The following PJA2 variants were observed in gnomAD, a reference collection of about 807,000 sequenced individuals.
PJA2 encodes the protein E3 ubiquitin-protein ligase Praja-2.
Under a neutral mutation model 69.3 loss-of-function variants are expected in PJA2, and 25 were observed. The ratio of observed to expected loss-of-function variants is 0.36; its 90% CI spans 0.26 to 0.50. The LOEUF is 0.50. Among genes scored for constraint, PJA2 ranks in the 20% least tolerant of loss-of-function variants. The pLI, the probability that PJA2 is intolerant of heterozygous loss-of-function variation, is 0.96. For synonymous variants in PJA2, 308 were observed against 277.8 expected (o/e 1.11, Z -1.08); for missense variants, 809 against 830.2 (o/e 0.97, Z 0.31).
At chr5:109,404,305 G>A (rs1192358345) in intron 1 of PJA2, among the ~76,000 whole-genome samples, 1 of 151,798 alleles carries the variant, frequency 6.6e-6, no homozygotes, top group Non-Finnish European at 1.5e-5. Context: ...TGGATTACCT[G>A]AGGTAAGGAG....
chr5:109,372,619 T>C (rs1762691318), intron 4 of PJA2, among the ~76,000 whole-genome samples: 1 of 151,992 alleles, frequency 6.6e-6, no homozygotes, highest in Non-Finnish European at 1.5e-5. Context: ...CATTAAAGAA[T>C]ATAGGGCCGG....
chr5:109,407,363 A>G (rs1424772915), intron 1 of PJA2, among the ~76,000 whole-genome samples: 1 of 152,176 alleles, frequency 6.6e-6, no homozygotes, highest in Non-Finnish European at 1.5e-5. Context: ...AAAAACAACA[A>G]CATAAGCATC....
At chr5:109,354,238 T>A (rs62643553) in intron 7 of PJA2, among the ~76,000 whole-genome samples, 6,009 of 43,344 alleles carry the variant, frequency 0.14, 271 homozygotes, top group Non-Finnish European at 0.22. Context: ...GTCTAGAGAT[T>A]TCTATAGATT....
intron 7 of PJA2, among the ~76,000 whole-genome samples, chr5:109,355,191 T>C (rs765520645): frequency 2.0e-5 from 3 of 152,196 alleles, no homozygotes; most frequent in Non-Finnish European, 2.9e-5. Context: ...TATATTATAA[T>C]GCTCCTAAAA....
intron 6 of PJA2, among the ~76,000 whole-genome samples, chr5:109,362,635 A>G (rs1762521859): frequency 6.6e-6 from 1 of 152,236 alleles, no homozygotes; most frequent in South Asian, 2.1e-4. Context: ...CAAGAGAGCT[A>G]AAGGTCAAAG....
intron 9 of PJA2, among the ~76,000 whole-genome samples, chr5:109,339,786 TTCA>T (rs1231996280): frequency 6.6e-6 from 1 of 152,250 alleles, no homozygotes; most frequent in Non-Finnish European, 1.5e-5. Flanking sequence ...CTATATTAAA[TTCA>T]TCATGGATTA....
intron 4 of PJA2, among the ~76,000 whole-genome samples, chr5:109,369,328 A>G (rs759284371): frequency 6.6e-6 from 1 of 152,234 alleles, no homozygotes; most frequent in Non-Finnish European, 1.5e-5. Flanking sequence ...AAATGCATGC[A>G]GTAGAGTGTG....
chr5:109,409,583 G>A (rs1375144460), intron 1 of PJA2, among the ~76,000 whole-genome samples: 1 of 152,040 alleles, frequency 6.6e-6, no homozygotes. Flanking sequence ...CATCTGTCGG[G>A]GGGCGGCGGG....
chr5:109,346,657 C>T (rs192679188), intron 7 of PJA2, among the ~76,000 whole-genome samples: 1 of 152,270 alleles, frequency 6.6e-6, no homozygotes, highest in East Asian at 1.9e-4. Context: ...AAGCCAGTCA[C>T]AGAAAGATAA....
chr5:109,394,851 T>A (rs571007505), intron 1 of PJA2, among the ~76,000 whole-genome samples: 1 of 152,178 alleles, frequency 6.6e-6, no homozygotes, highest in Non-Finnish European at 1.5e-5. Flanking sequence ...GTATGGCAGA[T>A]AAAAATTTTT....
chr5:109,369,412 G>A (rs985644703), intron 4 of PJA2, among the ~76,000 whole-genome samples: 7 of 152,036 alleles, frequency 4.6e-5, no homozygotes, highest in African/African-American at 1.2e-4. Context: ...CTACATCCAT[G>A]GTACCTAGAT....
intron 4 of PJA2, among the ~76,000 whole-genome samples, chr5:109,369,809 G>A (rs1180407559): frequency 6.6e-6 from 1 of 152,148 alleles, no homozygotes; most frequent in Non-Finnish European, 1.5e-5. Flanking sequence ...GAGGTGGGCA[G>A]ATCACCTGAG....
chr5:109,379,379 T>C, intron 3 of PJA2, 125 bp from the exon 4 acceptor site: 5 of 697,450 alleles, frequency 7.2e-6, no homozygotes, highest in Non-Finnish European at 1.2e-5. Context: ...TAAATTTATT[T>C]ACCAAGCACT....
At chr5:109,360,157 C>T (rs1166418998) in intron 6 of PJA2, among the ~76,000 whole-genome samples, 2 of 152,140 alleles carry the variant, frequency 1.3e-5, no homozygotes, top group African/African-American at 4.8e-5. Flanking sequence ...TATATCCACA[C>T]AGAATTAACT....
At chr5:109,405,440 A>C (rs959371287) in intron 1 of PJA2, among the ~76,000 whole-genome samples, 18 of 152,220 alleles carry the variant, frequency 1.2e-4, no homozygotes, top group African/African-American at 4.3e-4. Flanking sequence ...GCTTTACGGT[A>C]AAGTTAGAAT....
At chr5:109,350,514 C>A (rs1310357681) in intron 7 of PJA2, among the ~76,000 whole-genome samples, 1 of 152,120 alleles carries the variant, frequency 6.6e-6, no homozygotes, top group Non-Finnish European at 1.5e-5. Context: ...ACCACTGAAT[C>A]CAGATTTGTT....
Position 109,362,880 on chromosome 5 carries a change from C to T in PJA2, c.1612G>A (p.Asp538Asn). The T allele has an allele frequency of 1.2e-6, 2 of 1,613,458 alleles. No homozygotes were observed. The highest frequency in any genetic ancestry group is 1.7e-6 in the Non-Finnish European group (2 of 1,179,576). ...FMLDGNNNLE[D>N]DSSVSEDLDV... ...AAGTCTTCACTCACACTGGAGTCAT[C>T]CTCCAGGTTATTGTTACCATCCAAC... The change falls in exon 6 of 10, where the codon GAT becomes AAT. Residue 538 changes from aspartate to asparagine, a missense_variant. Coordinates refer to ENST00000361189, the MANE Select transcript of PJA2 (RefSeq NM_014819.5).
intron 2 of PJA2, among the ~76,000 whole-genome samples, chr5:109,383,085 A>C (rs535954013): frequency 1.3e-5 from 2 of 152,322 alleles, no homozygotes; most frequent in East Asian, 3.9e-4. Context: ...GTTAAAATTA[A>C]GTGTTGGATA....
intron 4 of PJA2, among the ~76,000 whole-genome samples, chr5:109,377,747 G>A (rs945622844): frequency 3.3e-5 from 5 of 152,124 alleles, no homozygotes; most frequent in Non-Finnish European, 7.4e-5. Flanking sequence ...TAAACTTAGT[G>A]ATAGGAAGAG....
Sources: gnomAD v4.1 joint callset for allele counts (sites outside exome capture counted in the v4.1 genomes callset) on GRCh38, gnomAD v4.1.1 for gene constraint, MANE v1.5 for transcripts, NCBI Gene and HGNC (gene_info 2026-07-23, HGNC 2026-07-21) for gene names.